Variants in WFDC6 observed in about 807,000 individuals in gnomAD.
WFDC6 encodes WAP four-disulfide core domain 6.
WFDC6 carries 10 observed loss-of-function variants against 8.2 expected under a neutral mutation model. That is an observed-to-expected ratio of 1.22 (90% CI 0.75 to 2.07). WFDC6 has a LOEUF of 2.07. WFDC6 is among the 30% of genes most tolerant of loss of function. The pLI, the probability that WFDC6 is intolerant of heterozygous loss-of-function variation, is 0.00. For missense variants in WFDC6, 105 were observed against 104.9 expected, an observed-to-expected ratio of 1.00 and a Z score of 0.00; for synonymous variants, 28 against 37.0, an observed-to-expected ratio of 0.76 and a Z score of 0.88.
At chr20:45,537,378 T>C (rs1979404755) in intron 2 of WFDC6, 2 of 786,906 alleles carry the variant, frequency 2.5e-6, no homozygotes, top group African/African-American at 1.7e-5. Context: ...AATGAGCAAG[T>C]GGAACCCATC....
At chr20:45,537,856 A>T (rs1189122752) in intron 2 of WFDC6, 108 bp downstream of exon 2, 12 of 1,572,336 alleles carry the variant, frequency 7.6e-6, no homozygotes, top group Non-Finnish European at 1.0e-5. Flanking sequence ...ATGTACCTAA[A>T]CTCTTGGTCA....
intron 2 of WFDC6, among the ~76,000 whole-genome samples, chr20:45,535,700 A>G (rs963131358): frequency 2.0e-5 from 3 of 152,152 alleles, no homozygotes; most frequent in Non-Finnish European, 4.4e-5. Flanking sequence ...TTCAAGCATA[A>G]TTATCTTTTG....
intron 2 of WFDC6, chr20:45,535,421 C>T: frequency 3.3e-6 from 4 of 1,196,334 alleles, no homozygotes; most frequent in Non-Finnish European, 4.2e-6. Context: ...TTCCCTTTGT[C>T]TCCACTGAGA....
rs915391535 is a variant in WFDC6 at position 45,539,467 on chromosome 20, C to G, written c.-60G>C. On this transcript the variant is annotated 5_prime_UTR_variant, in exon 1 of 3. An upstream open reading frame in the 5' UTR loses its in-frame stop. Coordinates refer to ENST00000372670, the MANE Select transcript of WFDC6 (RefSeq NM_080827.2). Reference sequence around the variant, plus strand: ...ACTAAGAACTGCTCCTCAGCAGCTCCTACATCTGCACTTTGCCTGCCCCGG... The same window carrying G: ...ACTAAGAACTGCTCCTCAGCAGCTCGTACATCTGCACTTTGCCTGCCCCGG... The G allele has an allele frequency of 6.6e-7, 1 of 1,509,360 alleles. No homozygotes were observed. The highest frequency in any genetic ancestry group is 9.2e-7 in the Non-Finnish European group (1 of 1,085,878). 93.5% of individuals were successfully genotyped at this position (1,509,360 alleles called of 1,614,324 possible). A position where few individuals can be genotyped will look rare whatever the true frequency, so the allele number is the denominator to read the frequency against.
intron 2 of WFDC6, chr20:45,535,303 C>T (rs1009505028): frequency 3.1e-6 from 4 of 1,304,030 alleles, no homozygotes; most frequent in Non-Finnish European, 4.0e-6. Context: ...AGGCAGGGGC[C>T]AGCCTCCTGT....
intron 2 of WFDC6, among the ~76,000 whole-genome samples, chr20:45,535,561 C>T (rs1454765153): frequency 3.3e-5 from 5 of 152,234 alleles, no homozygotes; most frequent in African/African-American, 7.2e-5. Flanking sequence ...CCTAACAGGG[C>T]TGTTGGAAGG....
intron 2 of WFDC6, chr20:45,537,091 TTA>T (rs563829619): frequency 1.1e-4 from 19 of 166,334 alleles, no homozygotes; most frequent in Non-Finnish European, 2.2e-4. Context: ...AGTAGGGCAT[TTA>T]TTTGACCCCA....
intron 2 of WFDC6, chr20:45,537,428 T>C: frequency 8.7e-7 from 1 of 1,143,082 alleles, no homozygotes; most frequent in South Asian, 1.3e-5. Flanking sequence ...GTTGAATGAA[T>C]AGAATGAACG....
At chr20:45,537,671 G>A in intron 2 of WFDC6, 1 of 1,197,136 alleles carries the variant, frequency 8.4e-7, no homozygotes, top group Non-Finnish European at 1.2e-6. Flanking sequence ...GAGAATCACT[G>A]AAGAGTAGCC....
chr20:45,539,453 C>T lies in WFDC6; in HGVS notation c.-46G>A. 6.4e-7 allele frequency: 1 copy of T among 1,567,526 alleles called. No homozygotes were observed. The highest frequency in any genetic ancestry group is 2.2e-5 in the East Asian group (1 of 44,526). ...TTGATGGCACCAAAACTAAGAACTG[C>T]TCCTCAGCAGCTCCTACATCTGCAC... On this transcript the variant is annotated 5_prime_UTR_variant, in exon 1 of 3. Coordinates refer to ENST00000372670, the MANE Select transcript of WFDC6 (RefSeq NM_080827.2).
At chr20:45,534,644 C>A in intron 2 of WFDC6, 139 bp from the exon 3 acceptor site, 2 of 972,006 alleles carry the variant, frequency 2.1e-6, no homozygotes, top group Admixed American at 4.9e-5. Context: ...AGTTTGGGGG[C>A]TCCTAGAATG....
intron 1 of WFDC6, 64 bp downstream of exon 1, chr20:45,539,252 CT>C: frequency 6.7e-7 from 1 of 1,499,314 alleles, no homozygotes; most frequent in Non-Finnish European, 9.3e-7. Flanking sequence ...CAAAATTATT[CT>C]TTGTTCCTTC....
intron 2 of WFDC6, among the ~76,000 whole-genome samples, chr20:45,536,610 G>GA (rs1251600003): frequency 6.6e-6 from 1 of 152,190 alleles, no homozygotes; most frequent in African/African-American, 2.4e-5. Context: ...TTAGGATCAA[G>GA]ACCAGATCCC....
Position 45,534,306 on chromosome 20 carries a change from G to C in WFDC6, c.*161C>G. 1 of 813,928 alleles carries C rather than the reference G, an allele frequency of 1.2e-6. No individual in the cohort carries two copies. The highest frequency in any genetic ancestry group is 2.1e-6 in the Non-Finnish European group (1 of 471,908). The allele number at this position is 813,928 out of a possible 1,614,324, so 50.4% of individuals were successfully genotyped here. On this transcript the variant is annotated 3_prime_UTR_variant, in exon 3 of 3. Coordinates refer to ENST00000372670, the MANE Select transcript of WFDC6 (RefSeq NM_080827.2). ...CATACTGAGAAGTGGTCAAGGGGAA[G>C]AGCATTGTGTTTGAAGAGATGCTAC...
intron 1 of WFDC6, among the ~76,000 whole-genome samples, chr20:45,538,647 C>A (rs931238234): frequency 6.6e-6 from 1 of 152,178 alleles, no homozygotes; most frequent in East Asian, 1.9e-4. Context: ...TGTGAGCTGC[C>A]TTTTCTCCTT....
chr20:45,538,086 G>T lies in WFDC6; in HGVS notation c.100C>A (p.Pro34Thr). ...ACTTCGCATTCCACTTTGATTTTGG[G>T]ACACGGCTCTAAGGGAGGGGAAGAT... ...HAEGILGKPC[P>T]KIKVECEVEE... The change falls in exon 2 of 3, where the codon CCC becomes ACC. Residue 34 changes from proline to threonine, a missense_variant. By Grantham distance (38) the Pro-to-Thr change is conservative (BLOSUM62 -1). Transcript: ENST00000372670. 3 of 1,613,782 alleles carry T rather than the reference G, an allele frequency of 1.9e-6. No individual in the cohort carries two copies. Among genetic ancestry groups the T allele is most frequent in the Non-Finnish European group, 2.5e-6 (3 of 1,179,874 alleles).
At chr20:45,537,900 T>A in intron 2 of WFDC6, 64 bp downstream of exon 2, 1 of 1,609,920 alleles carries the variant, frequency 6.2e-7, no homozygotes, top group Non-Finnish European at 8.5e-7. Context: ...GAGACAGAGG[T>A]AGTGCAGTGC....
intron 1 of WFDC6, 144 bp downstream of exon 1, chr20:45,539,173 A>G (rs1979487963): frequency 1.3e-6 from 1 of 755,440 alleles, no homozygotes; most frequent in Admixed American, 2.3e-5. Context: ...TTACCAAGAG[A>G]CTTCAAATAG....
chr20:45,537,850 A>G, intron 2 of WFDC6, 114 bp downstream of exon 2: 1 of 1,562,712 alleles, frequency 6.4e-7, no homozygotes, highest in Non-Finnish European at 8.7e-7. Flanking sequence ...TAGAAGATGT[A>G]CCTAAACTCT....
Sources: gnomAD v4.1 joint callset for allele counts (sites outside exome capture counted in the v4.1 genomes callset) on GRCh38, gnomAD v4.1.1 for gene constraint, MANE v1.5 for transcripts, NCBI Gene and HGNC (gene_info 2026-07-23, HGNC 2026-07-21) for gene names.